GPC3: variants seen among roughly 807,000 people sequenced by gnomAD.
The protein encoded by GPC3 is glypican-3.
A neutral mutation model predicts 34.4 loss-of-function variants in GPC3; 3 were observed. The ratio of observed to expected loss-of-function variants is 0.09; its 90% CI spans 0.04 to 0.23. The LOEUF is 0.23. Ranked by LOEUF, GPC3 falls within the 10% of genes least tolerant of loss-of-function variation. GPC3 has a pLI of 1.00. For synonymous variants in GPC3, 177 were observed against 174.0 expected, an observed-to-expected ratio of 1.02 and a Z score of -0.13; for missense variants, 351 against 445.6, an observed-to-expected ratio of 0.79 and a Z score of 1.91.
At chrX:133,541,761 C>T (rs1235629745) in intron 7 of GPC3, among the ~76,000 whole-genome samples, 1 of 111,826 alleles carries the variant, frequency 8.9e-6, no homozygotes, top group African/African-American at 3.2e-5. Flanking sequence ...TTCAGCGTCT[C>T]CTAGCAGAGT....
intron 2 of GPC3, chrX:133,763,748 CAA>C: frequency 2.6e-6 from 1 of 391,343 alleles, no homozygotes; most frequent in Non-Finnish European, 4.5e-6. Context: ...ACATCAGTTT[CAA>C]AAAAAAAAGT....
chrX:133,640,671 A>G lies in GPC3; in HGVS notation c.1413+21059T>C, dbSNP rs150119631. Among the ~76,000 whole-genome samples the G allele has an allele frequency of 2.9e-3, 330 of 112,376 alleles. 1 individual carries two copies. The highest frequency in any genetic ancestry group is 0.027 in the South Asian group (72 of 2,664). ...CAACCCAGCTAATAAAAAAGCTTCA[A>G]AAACTTCTGAAAAACCATGAATAAG... is the stretch of plus-strand genomic sequence containing the variant. On this transcript the variant is annotated intron_variant, in intron 6 of 7. Transcript: ENST00000370818.
At chrX:133,931,175 G>A (rs1043209483) in intron 2 of GPC3, among the ~76,000 whole-genome samples, 12 of 111,174 alleles carry the variant, frequency 1.1e-4, no homozygotes, top group East Asian at 5.6e-4. Flanking sequence ...AGCTTCTAAC[G>A]ATACTCGGTA....
At chrX:133,851,922 T>C (rs971509159) in intron 2 of GPC3, among the ~76,000 whole-genome samples, 1 of 111,849 alleles carries the variant, frequency 8.9e-6, no homozygotes, top group Non-Finnish European at 1.9e-5. Context: ...TGCCAGAGAC[T>C]TAAACACCAG....
chrX:133,623,632 A>T (rs1240981244), intron 6 of GPC3, among the ~76,000 whole-genome samples: 5 of 112,248 alleles, frequency 4.5e-5, no homozygotes, highest in Non-Finnish European at 9.4e-5. Context: ...ATATGCACTC[A>T]ATACAGGAGC....
chrX:133,619,468 A>G (rs2070205659), intron 6 of GPC3, among the ~76,000 whole-genome samples: 2 of 112,232 alleles, frequency 1.8e-5, no homozygotes, highest in South Asian at 3.7e-4. Flanking sequence ...TAAACATAAT[A>G]TATTGTTTCT....
intron 5 of GPC3, among the ~76,000 whole-genome samples, chrX:133,687,383 G>GGT (rs2071018765): frequency 2.0e-5 from 1 of 50,213 alleles, no homozygotes; most frequent in East Asian, 5.2e-4. Context: ...AATTATCAGA[G>GGT]TTTTTTTTTT....
intron 7 of GPC3, among the ~76,000 whole-genome samples, chrX:133,588,856 C>G (rs892415817): frequency 2.7e-5 from 3 of 111,866 alleles, no homozygotes; most frequent in Non-Finnish European, 3.8e-5. Context: ...CTACAGACAG[C>G]TAAAATAATA....
intron 6 of GPC3, among the ~76,000 whole-genome samples, chrX:133,637,010 C>T (rs2070433174): frequency 8.9e-6 from 1 of 112,045 alleles, no homozygotes; most frequent in South Asian, 3.7e-4. Context: ...CTGCCCAACA[C>T]GCTGGGAAAA....
intron 2 of GPC3, among the ~76,000 whole-genome samples, chrX:133,939,392 T>A (rs1224266691): frequency 1.2e-4 from 13 of 112,060 alleles, no homozygotes; most frequent in African/African-American, 4.2e-4. Context: ...ACATGTCTAG[T>A]ATAGTGTATA....
chrX:133,740,532 A>T lies in GPC3; in HGVS notation c.1032+12950T>A, dbSNP rs560162431. Among the ~76,000 whole-genome samples, 217 of 112,379 alleles carry T rather than the reference A, an allele frequency of 1.9e-3. 3 individuals are homozygous for T. Among genetic ancestry groups the T allele is most frequent in the South Asian group, 0.014 (39 of 2,737 alleles). On this transcript the variant is annotated intron_variant, in intron 3 of 7. Coordinates refer to ENST00000370818, the MANE Select transcript of GPC3 (RefSeq NM_004484.4). ...TTATTTAAAGGGTTCACAATTTTTT[A>T]AAAAAATATGCTAGCAGGTTGCTAC...
At chrX:133,539,911 T>C (rs2069327490) in intron 7 of GPC3, among the ~76,000 whole-genome samples, 1 of 112,482 alleles carries the variant, frequency 8.9e-6, no homozygotes, top group Non-Finnish European at 1.9e-5. Context: ...CAGACATTTC[T>C]GGACAGGGGA....
At chrX:133,958,831 A>T (rs1382583387) in intron 1 of GPC3, among the ~76,000 whole-genome samples, 1 of 104,253 alleles carries the variant, frequency 9.6e-6, no homozygotes, top group African/African-American at 3.5e-5. Context: ...GGTTGCAGTG[A>T]GCTGAGATCG....
intron 2 of GPC3, among the ~76,000 whole-genome samples, chrX:133,858,200 A>C (rs2030918982): frequency 8.9e-6 from 1 of 112,086 alleles, no homozygotes; most frequent in African/African-American, 3.2e-5. Flanking sequence ...CATCAAATAG[A>C]CACTCTTGTC....
At chrX:133,672,636 T>C (rs1211358477) in intron 5 of GPC3, among the ~76,000 whole-genome samples, 2 of 111,489 alleles carry the variant, frequency 1.8e-5, no homozygotes, top group Non-Finnish European at 3.8e-5. Flanking sequence ...GACACGATCT[T>C]TACCTGGTGT....
At position 133,796,196 on chromosome X, in the gene GPC3, T is replaced by C. The variant is rs371084317; in HGVS notation, c.338-42020A>G. Among the ~76,000 whole-genome samples the C allele has an allele frequency of 2.5e-3, 277 of 111,349 alleles. 1 individual carries two copies. Among genetic ancestry groups the C allele is most frequent in the African/African-American group, 5.3e-3 (163 of 30,647 alleles). On this transcript the variant is annotated intron_variant, in intron 2 of 7. Coordinates refer to ENST00000370818, the MANE Select transcript of GPC3 (RefSeq NM_004484.4). ...TCCTCACCTCGTGATCTGCCCGCCT[T>C]GGCCTCCCAAAGTGCTGGGATTACA...
At chrX:133,681,963 C>T (rs1227395387) in intron 5 of GPC3, among the ~76,000 whole-genome samples, 1 of 112,258 alleles carries the variant, frequency 8.9e-6, no homozygotes, top group African/African-American at 3.2e-5. Flanking sequence ...AGCCTTGTTT[C>T]AATCAGTATT....
intron 2 of GPC3, among the ~76,000 whole-genome samples, chrX:133,773,064 T>C (rs185733521): frequency 1.2e-4 from 13 of 110,796 alleles, no homozygotes; most frequent in African/African-American, 4.3e-4. Context: ...TTTTTATTAT[T>C]ATTATTATTT....
At chrX:133,739,897 CAG>C (rs1329190952) in intron 3 of GPC3, among the ~76,000 whole-genome samples, 1 of 110,807 alleles carries the variant, frequency 9.0e-6, no homozygotes, top group Non-Finnish European at 1.9e-5. Flanking sequence ...AATTAAAAAA[CAG>C]AGAGAGAGAA....
Sources: allele counts gnomAD v4.1 joint callset (sites outside exome capture counted in the v4.1 genomes callset), GRCh38; gene constraint gnomAD v4.1.1; transcripts MANE v1.5; gene names NCBI Gene and HGNC (gene_info 2026-07-23, HGNC 2026-07-21).